The following RPP40 variants were observed in gnomAD, a reference collection of about 807,000 sequenced individuals.
The protein encoded by RPP40 is ribonuclease P/MRP subunit p40, also known as ribonuclease P protein subunit p40.
In RPP40, 30 loss-of-function variants were observed where a neutral mutation model predicts 42.5. The observed-to-expected ratio is 0.71, with a 90% CI of 0.53 to 0.96. RPP40 has a LOEUF of 0.96. RPP40 is among the 40% of genes least tolerant of loss of function. The pLI is 0.00. For missense variants in RPP40, 426 were observed against 433.5 expected (o/e 0.98, Z 0.15); for synonymous variants, 173 against 164.0 (o/e 1.05, Z -0.42).
intron 7 of RPP40, among the ~76,000 whole-genome samples, chr6:4,995,519 G>T (rs1201940599): frequency 6.6e-6 from 1 of 152,142 alleles, no homozygotes; most frequent in Admixed American, 6.5e-5. Flanking sequence ...CATTCTGGGA[G>T]GTCTTTAAGA....
At chr6:4,998,513 A>T (rs1759449170) in intron 5 of RPP40, among the ~76,000 whole-genome samples, 1 of 152,262 alleles carries the variant, frequency 6.6e-6, no homozygotes, top group Non-Finnish European at 1.5e-5. Context: ...AGACGCAGGC[A>T]GAAAGGCCTG....
In RPP40 at chr6:4,998,812, A is replaced by G; in HGVS notation, c.463T>C (p.Leu155=). 1 of 1,470,432 alleles carries G rather than the reference A, an allele frequency of 6.8e-7. No homozygotes were observed. The highest frequency in any genetic ancestry group is 9.3e-7 in the Non-Finnish European group (1 of 1,077,028). 91.1% of individuals were successfully genotyped at this position (1,470,432 alleles called of 1,614,324 possible). A position where few individuals can be genotyped will look rare whatever the true frequency, so the allele number is the denominator to read the frequency against. The stretch of plus-strand genomic sequence containing the variant: ...TCATACTTCTTAGAATCCAAGTTTA[A>G]GGATAATTCCATCAAATCAATGGAA... The part of the protein sequence containing the change: ...IVSIDLMELS[L]NLDSKKYERI... Residue 155 remains leucine (L), a synonymous_variant, in exon 5 of 8, where the codon TTA becomes CTA. Transcript: ENST00000380051.
rs1266887447 is a variant in RPP40 at position 4,995,826 on chromosome 6, G to A, written c.893+125C>T. The A allele has an allele frequency of 7.2e-6, 6 of 838,098 alleles. 2 individuals carry two copies. The highest frequency in any genetic ancestry group is 5.2e-5 in the East Asian group (2 of 38,800). The allele number at this position is 838,098 out of a possible 1,614,324, so 51.9% of individuals were successfully genotyped here. On this transcript the variant is annotated intron_variant, in intron 7 of 7. Transcript: ENST00000380051. ...TCAATGTACGGTCTTTGCAATAGGC[G>A]ATTTGAGTTCCTTTCAATGTACATT... is the stretch of plus-strand genomic sequence containing the variant.
Position 4,995,038 on chromosome 6 carries a change from A to G in RPP40, c.*40T>C, listed in dbSNP as rs1759326162. ...TTTACCATTAAGAAATCTGAAAGCA[A>G]GCGTAAATGTAAGTAAACACGATTT... On this transcript the variant is annotated 3_prime_UTR_variant, in exon 8 of 8. Transcript: ENST00000380051. 6.6e-7 allele frequency: 1 copy of G among 1,520,830 alleles called. No homozygotes were observed. The highest frequency in any genetic ancestry group is 9.0e-7 in the Non-Finnish European group (1 of 1,110,798). The allele number at this position is 1,520,830 out of a possible 1,614,324, so 94.2% of individuals were successfully genotyped here.
chr6:4,994,780 T>C lies in RPP40; in HGVS notation c.*298A>G, dbSNP rs931550459. On this transcript the variant is annotated 3_prime_UTR_variant, in exon 8 of 8. Coordinates refer to ENST00000380051, the MANE Select transcript of RPP40 (RefSeq NM_006638.4). ...AATGAACAAAATATATCTCAACCAA[T>C]GGAGTGAGATGGGGACCAATATCCC... 3 of 335,826 alleles carry C rather than the reference T, an allele frequency of 8.9e-6. No individual in the cohort carries two copies. The highest frequency in any genetic ancestry group is 1.1e-5 in the Non-Finnish European group (2 of 184,508). 20.8% of individuals were successfully genotyped at this position (335,826 alleles called of 1,614,324 possible). A position where few individuals can be genotyped will look rare whatever the true frequency, so the allele number is the denominator to read the frequency against.
At chr6:5,003,074 C>T (rs1759613823) in intron 1 of RPP40, among the ~76,000 whole-genome samples, 1 of 152,102 alleles carries the variant, frequency 6.6e-6, no homozygotes, top group African/African-American at 2.4e-5. Context: ...TTCGGCCGGG[C>T]GCGGTGGCTC....
chr6:4,994,323 C>A (rs1759307322), downstream of RPP40, among the ~76,000 whole-genome samples: 1 of 151,834 alleles, frequency 6.6e-6, no homozygotes, highest in South Asian at 2.1e-4. Flanking sequence ...ATGCAGCACA[C>A]CAACATGGCA....
At chr6:4,994,213 AG>A (rs1759303787), downstream of RPP40, among the ~76,000 whole-genome samples, 2 of 130,772 alleles carry the variant, frequency 1.5e-5, no homozygotes, top group South Asian at 5.0e-4. Context: ...ACATGGACAC[AG>A]GAAGGGGAAC....
chr6:4,989,063 G>T, the RPP40 span, among the ~76,000 whole-genome samples: 2 of 146,490 alleles, frequency 1.4e-5, no homozygotes, highest in Middle Eastern at 3.2e-3. Context: ...TCTAATAGGA[G>T]TTAGTGATAT....
downstream of RPP40, among the ~76,000 whole-genome samples, chr6:4,991,613 G>A (rs1046681385): frequency 6.6e-6 from 1 of 152,090 alleles, no homozygotes. Flanking sequence ...TTGAGGGTGG[G>A]GTATTAACGT....
chr6:5,002,033 C>A, intron 2 of RPP40, 68 bp downstream of exon 2: 1 of 1,387,650 alleles, frequency 7.2e-7, no homozygotes, highest in Non-Finnish European at 1.0e-6. Context: ...ACAGCCCTAG[C>A]ATCGTGATGT....
chr6:4,994,012 G>A (rs1251380677), downstream of RPP40, among the ~76,000 whole-genome samples: 4 of 151,864 alleles, frequency 2.6e-5, no homozygotes, highest in Admixed American at 2.0e-4. Flanking sequence ...GCACTAAGGC[G>A]GAAAAGTGGC....
Position 5,004,009 on chromosome 6 carries a change from C to G in RPP40, c.-7G>C, listed in dbSNP as rs373733434. ...GCCGGCGCAGCGTGGCCATGCTCTC[C>G]TGGGTTCCTGGTCCTCCCGGCCTCC... On this transcript the variant is annotated 5_prime_UTR_variant, in exon 1 of 8. Coordinates refer to ENST00000380051, the MANE Select transcript of RPP40 (RefSeq NM_006638.4). 12 of 1,598,758 alleles carry G rather than the reference C, an allele frequency of 7.5e-6. No individual in the cohort carries two copies. The African/African-American group carries it at 1.5e-4, about 20-fold the overall frequency.
At chr6:4,996,497 C>T (rs1759389278) in intron 5 of RPP40, 77 bp from the exon 6 acceptor site, 2 of 1,308,196 alleles carry the variant, frequency 1.5e-6, no homozygotes, top group African/African-American at 1.5e-5. Flanking sequence ...CTGAACCCAC[C>T]CATTCCCATC....
At chr6:4,995,779 T>G (rs1323232441) in intron 7 of RPP40, among the ~76,000 whole-genome samples, 172 bp downstream of exon 7, 1 of 152,234 alleles carries the variant, frequency 6.6e-6, no homozygotes, top group East Asian at 1.9e-4. Context: ...TGAGAAGATA[T>G]GCTTACTAAA....
Position 4,994,921 on chromosome 6 carries a change from C to T in RPP40, c.*157G>A. Reference sequence around the variant, plus strand: ...ACTGGACAGCAGGCCTTGCTGCCATCACAGATGGGTCTCAGGTGCAGGGCA... The same window carrying T: ...ACTGGACAGCAGGCCTTGCTGCCATTACAGATGGGTCTCAGGTGCAGGGCA... On this transcript the variant is annotated 3_prime_UTR_variant, in exon 8 of 8. Transcript: ENST00000380051. 1.6e-6 allele frequency: 1 copy of T among 644,188 alleles called. No individual in the cohort carries two copies. Among genetic ancestry groups the T allele is most frequent in the Non-Finnish European group, 2.7e-6 (1 of 377,304 alleles). The allele number at this position is 644,188 out of a possible 1,614,324, so 39.9% of individuals were successfully genotyped here. A position where few individuals can be genotyped will look rare whatever the true frequency, so the allele number is the denominator to read the frequency against.
chr6:4,989,464 A>G, the RPP40 span, among the ~76,000 whole-genome samples: 1 of 152,114 alleles, frequency 6.6e-6, no homozygotes, highest in African/African-American at 2.4e-5. Context: ...ACACACACAC[A>G]CACATAGGCT....
chr6:4,995,028 T>A lies in RPP40; in HGVS notation c.*50A>T, dbSNP rs1278438248. The A allele has an allele frequency of 6.8e-7, 1 of 1,480,034 alleles. No homozygotes were observed. The highest frequency in any genetic ancestry group is 1.2e-5 in the South Asian group (1 of 83,494). 91.7% of individuals were successfully genotyped at this position (1,480,034 alleles called of 1,614,324 possible). On this transcript the variant is annotated 3_prime_UTR_variant, in exon 8 of 8. Transcript: ENST00000380051. The stretch of plus-strand genomic sequence containing the variant: ...ACACAGACCTTTTACCATTAAGAAA[T>A]CTGAAAGCAAGCGTAAATGTAAGTA...
intron 3 of RPP40, 50 bp downstream of exon 3, chr6:5,000,513 T>C: frequency 2.1e-6 from 2 of 953,390 alleles, no homozygotes; most frequent in Non-Finnish European, 3.2e-6. Flanking sequence ...TTTTTTACAG[T>C]ATGCATTTTT....
Sources: allele counts gnomAD v4.1 joint callset (sites outside exome capture counted in the v4.1 genomes callset), GRCh38; gene constraint gnomAD v4.1.1; transcripts MANE v1.5; gene names NCBI Gene and HGNC (gene_info 2026-07-23, HGNC 2026-07-21).